Variants in CRYL1 observed in about 807,000 individuals in gnomAD.
CRYL1 encodes the protein lambda-crystallin homolog.
CRYL1 carries 29 observed loss-of-function variants against 36.6 expected under a neutral mutation model. The ratio of observed to expected loss-of-function variants is 0.79; its 90% CI spans 0.59 to 1.08. The LOEUF (loss-of-function observed/expected upper bound fraction) is 1.08, where lower values mean the gene tolerates loss of function less well. Ranked by LOEUF, CRYL1 falls within the 50% of genes least tolerant of loss-of-function variation. The probability of loss-of-function intolerance (pLI) is 0.00; values close to 1 mark genes in which losing one functional copy is unlikely to be tolerated. For synonymous variants in CRYL1, 152 were observed against 151.5 expected (o/e 1.00, Z -0.02); for missense variants, 411 against 407.9 (o/e 1.01, Z -0.06).
At chr13:20,443,152 C>A in intron 3 of CRYL1, among the ~76,000 whole-genome samples, 1 of 152,084 alleles carries the variant, frequency 6.6e-6, no homozygotes, top group East Asian at 1.9e-4. Flanking sequence ...GTAAAAGTTA[C>A]CTGTGTGGTT....
chr13:20,485,685 T>TAGAAAAGAAAAGAAA lies in CRYL1; in HGVS notation c.276+3670_276+3684dup, dbSNP rs11270599. On this transcript the variant is annotated intron_variant, in intron 3 of 7. Coordinates refer to ENST00000298248, the MANE Select transcript of CRYL1 (RefSeq NM_015974.3). The stretch of plus-strand genomic sequence containing the variant: ...CTCCATCTCAAAGAAAAAAGAAAGA[T>TAGAAAAGAAAAGAAA]AGAAAAGAAAAGAAAAGAAAAGAAA... Among the ~76,000 whole-genome samples the TAGAAAAGAAAAGAAA allele has an allele frequency of 4.9e-3, 729 of 149,122 alleles. 7 individuals are homozygous for TAGAAAAGAAAAGAAA. Among genetic ancestry groups the TAGAAAAGAAAAGAAA allele is most frequent in the African/African-American group, 0.014 (570 of 40,056 alleles).
rs1306369983 is a variant in CRYL1 at position 20,435,916 on chromosome 13, A to T, written c.439-3620T>A. On this transcript the variant is annotated intron_variant, in intron 4 of 7. Coordinates refer to ENST00000298248, the MANE Select transcript of CRYL1 (RefSeq NM_015974.3). The surrounding 1 kb of genome is among the most constrained non-coding windows in gnomAD (Gnocchi z 4.0). The stretch of plus-strand genomic sequence containing the variant: ...GCCAGCCCTCGGTGTTCGATGCTTC[A>T]TGGGTAGCCCATCCTCTCGGCGGCG... Among the ~76,000 whole-genome samples the T allele has an allele frequency of 6.6e-6, 1 of 152,070 alleles. No homozygotes were observed. The highest frequency in any genetic ancestry group is 1.5e-5 in the Non-Finnish European group (1 of 67,992).
chr13:20,501,158 G>A (rs2033696909), intron 2 of CRYL1, among the ~76,000 whole-genome samples: 1 of 152,208 alleles, frequency 6.6e-6, no homozygotes, highest in Non-Finnish European at 1.5e-5. Context: ...TTCCTTGGCT[G>A]TACTCATCAT....
intron 6 of CRYL1, among the ~76,000 whole-genome samples, chr13:20,407,491 A>G (rs2031407995): frequency 1.3e-5 from 2 of 152,092 alleles, no homozygotes; most frequent in South Asian, 4.1e-4. Flanking sequence ...ACGAGAGGAG[A>G]ATTGGGTGTA....
At chr13:20,522,911 C>CTTTTTTTTTTTTTTT (rs386378385) in intron 1 of CRYL1, among the ~76,000 whole-genome samples, 2 of 82,960 alleles carry the variant, frequency 2.4e-5, no homozygotes, top group African/African-American at 9.0e-5. Flanking sequence ...CCCATTTCTA[C>CTTTTTTTTTTTTTTT]TTTTTTTTTT....
intron 3 of CRYL1, among the ~76,000 whole-genome samples, chr13:20,483,877 C>CG (rs1456047945): frequency 6.6e-6 from 1 of 151,766 alleles, no homozygotes; most frequent in African/African-American, 2.4e-5. Flanking sequence ...AGTGCAGTGG[C>CG]GCGATCTTGG....
At chr13:20,409,830 G>C (rs552290861) in intron 6 of CRYL1, among the ~76,000 whole-genome samples, 1 of 152,190 alleles carries the variant, frequency 6.6e-6, no homozygotes, top group East Asian at 1.9e-4. Context: ...AAACCACAAT[G>C]AGATACCATC....
At chr13:20,484,141 A>T (rs182162726) in intron 3 of CRYL1, among the ~76,000 whole-genome samples, 2,756 of 152,240 alleles carry the variant, frequency 0.018, 87 homozygotes, top group African/African-American at 0.063. Context: ...ATTTTTTTTA[A>T]AAAAAGAAAA....
At chr13:20,510,698 C>G (rs182533625) in intron 2 of CRYL1, among the ~76,000 whole-genome samples, 114 of 151,634 alleles carry the variant, frequency 7.5e-4, no homozygotes, top group Non-Finnish European at 1.4e-3. Flanking sequence ...CTGCAATCTC[C>G]GCCACCCAGG....
At chr13:20,497,730 C>T (rs1035810685) in intron 2 of CRYL1, among the ~76,000 whole-genome samples, 2 of 149,970 alleles carry the variant, frequency 1.3e-5, no homozygotes, top group African/African-American at 4.9e-5. Flanking sequence ...CAAACACACA[C>T]CACATACATA....
intron 1 of CRYL1, among the ~76,000 whole-genome samples, chr13:20,524,294 A>T (rs932039358): frequency 4.0e-5 from 6 of 150,764 alleles, no homozygotes; most frequent in African/African-American, 1.5e-4. Context: ...TATATGTGTG[A>T]GTGTATATAT....
chr13:20,451,727 A>G (rs1382365428), intron 3 of CRYL1, among the ~76,000 whole-genome samples: 2 of 152,188 alleles, frequency 1.3e-5, no homozygotes, highest in African/African-American at 4.8e-5. Context: ...CAGTCTGGAG[A>G]TTTCTCAAAG....
intron 4 of CRYL1, among the ~76,000 whole-genome samples, chr13:20,437,962 T>C (rs1159093103): frequency 6.6e-6 from 1 of 152,134 alleles, no homozygotes; most frequent in East Asian, 1.9e-4. Context: ...CCAGGAGCCC[T>C]GTCCGTGGAC....
rs1415794260 is a variant in CRYL1 at position 20,484,587 on chromosome 13, G to A, written c.276+4783C>T. On this transcript the variant is annotated intron_variant, in intron 3 of 7. Coordinates refer to ENST00000298248, the MANE Select transcript of CRYL1 (RefSeq NM_015974.3). ...ATTGGGAGGCTGAGGCACGATAATC[G>A]CTTGAACCCAGGAGGCAGAGGTTGC... Among the ~76,000 whole-genome samples, 4 of 152,046 alleles carry A rather than the reference G, an allele frequency of 2.6e-5. No individual in the cohort carries two copies. In the South Asian group the frequency reaches 6.2e-4, roughly 24 times the overall value.
chr13:20,505,199 A>G (rs1307314178), intron 2 of CRYL1, among the ~76,000 whole-genome samples: 6 of 152,036 alleles, frequency 3.9e-5, no homozygotes, highest in Non-Finnish European at 7.4e-5. Context: ...CTAATAAAAA[A>G]TACTAAAATC....
intron 3 of CRYL1, among the ~76,000 whole-genome samples, chr13:20,442,463 A>G (rs2032370835): frequency 1.3e-5 from 2 of 152,186 alleles, no homozygotes; most frequent in South Asian, 4.1e-4. Context: ...AGTCTGACAA[A>G]TTTATCAGCA....
At chr13:20,515,593 T>C (rs1430763828) in intron 1 of CRYL1, 3 of 152,128 alleles carry the variant, frequency 2.0e-5, no homozygotes, top group African/African-American at 7.2e-5. Flanking sequence ...CTTAGGCTTT[T>C]AAGAATAAAC....
chr13:20,436,894 C>T (rs569252408), intron 4 of CRYL1, among the ~76,000 whole-genome samples: 1 of 146,702 alleles, frequency 6.8e-6, no homozygotes, highest in East Asian at 2.0e-4. Context: ...AGGGTGGGCT[C>T]CTAGCTGGCC....
chr13:20,494,892 C>CAG (rs1448186388), intron 2 of CRYL1, among the ~76,000 whole-genome samples: 1 of 152,172 alleles, frequency 6.6e-6, no homozygotes, highest in Admixed American at 6.5e-5. Flanking sequence ...ACAGGTAGGA[C>CAG]AGAGAACCTG....
Sources: gnomAD v4.1 joint callset for allele counts (sites outside exome capture counted in the v4.1 genomes callset) on GRCh38, gnomAD v4.1.1 for gene constraint, Gnocchi (gnomAD v3.1) non-coding constraint, MANE v1.5 for transcripts, NCBI Gene and HGNC (gene_info 2026-07-23, HGNC 2026-07-21) for gene names.